DST: variants seen among roughly 807,000 people sequenced by gnomAD.
DST encodes the protein dystonin, also known as bullous pemphigoid antigen.
DST carries 253 observed loss-of-function variants against 875.2 expected under a neutral mutation model. That is an observed-to-expected ratio of 0.29 (90% CI 0.26 to 0.32). The LOEUF is 0.32. Ranked by LOEUF, DST falls within the 10% of genes least tolerant of loss-of-function variation. DST has a pLI of 1.00. For synonymous variants in DST, 3,124 were observed against 3,197.1 expected, an observed-to-expected ratio of 0.98 and a Z score of 0.77; for missense variants, 8,287 against 9,111.6, an observed-to-expected ratio of 0.91 and a Z score of 3.68.
At chr6:56,658,710 C>T (rs2099023211) in intron 10 of DST, among the ~76,000 whole-genome samples, 1 of 152,218 alleles carries the variant, frequency 6.6e-6, no homozygotes, top group South Asian at 2.1e-4. Flanking sequence ...TTCATTTATT[C>T]ATTCACTCAA....
intron 4 of DST, chr6:56,742,172 A>G: frequency 1.4e-6 from 1 of 699,480 alleles, no homozygotes. Context: ...ATGCCCGACA[A>G]TCAGCTGAAC....
intron 2 of DST, among the ~76,000 whole-genome samples, chr6:56,940,755 T>C (rs1157021979): frequency 1.3e-5 from 2 of 151,014 alleles, no homozygotes; most frequent in Non-Finnish European, 3.0e-5. Flanking sequence ...TTTTTTTTTC[T>C]TTTTTTTCTC....
At chr6:56,752,443 T>G (rs2099590076) in intron 4 of DST, among the ~76,000 whole-genome samples, 3 of 152,128 alleles carry the variant, frequency 2.0e-5, no homozygotes, top group Admixed American at 2.0e-4. Flanking sequence ...TAAAGAACAT[T>G]TTCATCCCCC....
intron 86 of DST, among the ~76,000 whole-genome samples, chr6:56,488,229 G>A (rs1224682027): frequency 6.6e-6 from 1 of 152,114 alleles, no homozygotes; most frequent in African/African-American, 2.4e-5. Context: ...TACAAAAAAT[G>A]TTATGGTTGA....
At chr6:56,616,208 T>C in intron 36 of DST, 1 of 1,614,216 alleles carries the variant, frequency 6.2e-7, no homozygotes, top group Non-Finnish European at 8.5e-7. Context: ...GCCTTCCTGA[T>C]ACTTTTTGAC....
At chr6:56,466,646 T>C (rs1218389887) in intron 98 of DST, 2 of 152,296 alleles carry the variant, frequency 1.3e-5, no homozygotes, top group Non-Finnish European at 2.9e-5. Context: ...TAAAACCGTT[T>C]TCCACTGAAC....
intron 4 of DST, among the ~76,000 whole-genome samples, chr6:56,785,133 C>G (rs984713805): frequency 6.6e-6 from 1 of 152,166 alleles, no homozygotes; most frequent in Admixed American, 6.5e-5. Flanking sequence ...TCAGTCTGCC[C>G]CTACTGGGGG....
At chr6:56,588,238 T>A (rs1241233586) in intron 49 of DST, among the ~76,000 whole-genome samples, 1 of 152,190 alleles carries the variant, frequency 6.6e-6, no homozygotes, top group Admixed American at 6.5e-5. Context: ...TAATTCTACC[T>A]TCAATCTCAA....
chr6:56,621,443 C>T (rs751435056), intron 36 of DST, among the ~76,000 whole-genome samples: 8 of 152,154 alleles, frequency 5.3e-5, no homozygotes, highest in Admixed American at 1.3e-4. Flanking sequence ...GGAAAAGATG[C>T]GCTTCATATA....
intron 2 of DST, among the ~76,000 whole-genome samples, chr6:56,906,725 T>C (rs1796587444): frequency 6.6e-6 from 1 of 152,080 alleles, no homozygotes; most frequent in Non-Finnish European, 1.5e-5. Context: ...GAGATGTTTT[T>C]CTTTCTCTTT....
intron 64 of DST, among the ~76,000 whole-genome samples, chr6:56,531,364 C>A (rs1264609168): frequency 6.6e-6 from 1 of 152,114 alleles, no homozygotes; most frequent in Non-Finnish European, 1.5e-5. Context: ...TCTAGACATT[C>A]ACTCATTTAT....
intron 4 of DST, among the ~76,000 whole-genome samples, chr6:56,824,728 G>C (rs1041896693): frequency 6.6e-6 from 1 of 151,776 alleles, no homozygotes; most frequent in Non-Finnish European, 1.5e-5. Flanking sequence ...CCCTCTGCCT[G>C]GCAACCACCC....
chr6:56,651,325 A>G, intron 10 of DST, 81 bp from the exon 11 acceptor site: 2 of 805,922 alleles, frequency 2.5e-6, no homozygotes, highest in Non-Finnish European at 3.8e-6. Flanking sequence ...TTCCATTTAC[A>G]TAACAACATC....
intron 2 of DST, among the ~76,000 whole-genome samples, chr6:56,942,470 T>A (rs897599959): frequency 2.0e-5 from 3 of 152,078 alleles, no homozygotes; most frequent in African/African-American, 7.2e-5. Flanking sequence ...ATCTCTTGGG[T>A]TTCCTTTTTT....
intron 82 of DST, among the ~76,000 whole-genome samples, chr6:56,497,097 T>A (rs1480936125): frequency 6.6e-6 from 1 of 152,008 alleles, no homozygotes; most frequent in African/African-American, 2.4e-5. Context: ...GACACCAGCA[T>A]GGCACATGTA....
chr6:56,575,210 G>T (rs145169900), intron 50 of DST, among the ~76,000 whole-genome samples: 3,196 of 152,206 alleles, frequency 0.021, 46 homozygotes, highest in Non-Finnish European at 0.032. Flanking sequence ...CTACTAGTTG[G>T]GGGAGAGGGG....
chr6:56,629,807 CTGAGA>C (rs2098762897), intron 31 of DST, among the ~76,000 whole-genome samples: 1 of 152,168 alleles, frequency 6.6e-6, no homozygotes, highest in Non-Finnish European at 1.5e-5. Flanking sequence ...TTAAAAATCA[CTGAGA>C]TAACTTTTAA....
intron 3 of DST, among the ~76,000 whole-genome samples, chr6:56,852,681 T>C (rs889643749): frequency 1.8e-4 from 28 of 152,222 alleles, no homozygotes; most frequent in African/African-American, 5.8e-4. Flanking sequence ...CATAACGACA[T>C]ATCAAAAGGA....
chr6:56,794,748 G>A (rs1476797088), intron 4 of DST, among the ~76,000 whole-genome samples: 1 of 152,182 alleles, frequency 6.6e-6, no homozygotes, highest in Admixed American at 6.5e-5. Flanking sequence ...AGACATAAAT[G>A]AGAAAGGCAA....
Sources: gnomAD v4.1 joint callset for allele counts (sites outside exome capture counted in the v4.1 genomes callset) on GRCh38, gnomAD v4.1.1 for gene constraint, MANE v1.5 for transcripts, NCBI Gene and HGNC (gene_info 2026-07-23, HGNC 2026-07-21) for gene names.